Variants in CACNA2D1 observed in about 807,000 individuals in gnomAD.
CACNA2D1 encodes the protein calcium voltage-gated channel auxiliary subunit alpha2delta 1, also known as voltage-dependent calcium channel subunit alpha-2/delta-1.
In CACNA2D1, 53 loss-of-function variants were observed where a neutral mutation model predicts 171.5. The observed-to-expected ratio is 0.31, with a 90% CI of 0.25 to 0.39. CACNA2D1 has a LOEUF of 0.39. Ranked by LOEUF, CACNA2D1 falls within the 10% of genes least tolerant of loss-of-function variation. CACNA2D1 has a pLI of 1.00. For missense variants in CACNA2D1, 903 were observed against 1,299.8 expected (o/e 0.69, Z 4.69); for synonymous variants, 442 against 443.1 (o/e 1.00, Z 0.03).
intron 3 of CACNA2D1, among the ~76,000 whole-genome samples, chr7:82,307,184 G>C (rs1813841530): frequency 3.3e-5 from 5 of 152,054 alleles, no homozygotes; most frequent in Admixed American, 2.6e-4. Flanking sequence ...TGGGAATAGA[G>C]TCTTGTTCTG....
At chr7:82,192,346 A>G (rs1798382227) in intron 3 of CACNA2D1, among the ~76,000 whole-genome samples, 2 of 151,624 alleles carry the variant, frequency 1.3e-5, no homozygotes, top group African/African-American at 4.8e-5. Context: ...CTAAATGCTT[A>G]GAAACTCATT....
intron 1 of CACNA2D1, among the ~76,000 whole-genome samples, chr7:82,375,980 G>T (rs1193985176): frequency 6.6e-6 from 1 of 152,038 alleles, no homozygotes; most frequent in African/African-American, 2.4e-5. Flanking sequence ...AAAGCTGGGG[G>T]ATAGAAAATA....
At chr7:82,295,898 G>T (rs1290683160) in intron 3 of CACNA2D1, among the ~76,000 whole-genome samples, 1 of 151,876 alleles carries the variant, frequency 6.6e-6, no homozygotes, top group Non-Finnish European at 1.5e-5. Context: ...AGAAAATGTG[G>T]CACATATACA....
intron 4 of CACNA2D1, among the ~76,000 whole-genome samples, chr7:82,147,616 C>A (rs996437): frequency 0.27 from 41,407 of 152,004 alleles, 5,957 homozygotes; most frequent in East Asian, 0.39. Context: ...ACTCATGATC[C>A]AGGTCAACAG....
At chr7:81,975,025 AAT>A (rs1388945654) in intron 24 of CACNA2D1, among the ~76,000 whole-genome samples, 10 of 151,754 alleles carry the variant, frequency 6.6e-5, no homozygotes, top group African/African-American at 1.5e-4. Flanking sequence ...CTGAACTTAA[AAT>A]AAAAAAAAAA....
intron 3 of CACNA2D1, among the ~76,000 whole-genome samples, chr7:82,268,050 G>A (rs534754155): frequency 6.6e-6 from 1 of 152,056 alleles, no homozygotes; most frequent in South Asian, 2.1e-4. Context: ...CCTATTTAGG[G>A]AACAAAAATA....
At chr7:82,312,786 G>A (rs374819509) in intron 3 of CACNA2D1, among the ~76,000 whole-genome samples, 1 of 151,498 alleles carries the variant, frequency 6.6e-6, no homozygotes, top group East Asian at 1.9e-4. Flanking sequence ...CACCAGCTTC[G>A]GCCTCCCAAA....
chr7:82,084,737 A>T (rs373266433), intron 7 of CACNA2D1, 32 bp downstream of exon 7: 2 of 1,613,194 alleles, frequency 1.2e-6, no homozygotes, highest in Non-Finnish European at 1.7e-6. Context: ...TGAGGCTGGA[A>T]CTTGACAATG....
chr7:82,069,819 A>G lies in CACNA2D1; in HGVS notation c.659-3295T>C, dbSNP rs558591296. Among the ~76,000 whole-genome samples, 9 of 152,224 alleles carry G rather than the reference A, an allele frequency of 5.9e-5. 1 individual carries two copies. In the East Asian group the frequency reaches 1.2e-3, roughly 20 times the overall value. On this transcript the variant is annotated intron_variant, in intron 7 of 38. Transcript: ENST00000356860. ...AAATGACAGCTAATTGCATTTCCCA[A>G]TTAAAAAGTTCAAATGTATTTTTTC...
intron 3 of CACNA2D1, among the ~76,000 whole-genome samples, chr7:82,299,384 G>C (rs1234244460): frequency 6.6e-6 from 1 of 151,994 alleles, no homozygotes; most frequent in African/African-American, 2.4e-5. Flanking sequence ...AGAATGGCTG[G>C]GTGCGGTGGC....
intron 2 of CACNA2D1, among the ~76,000 whole-genome samples, chr7:82,337,715 G>C (rs1818163473): frequency 6.6e-6 from 1 of 152,108 alleles, no homozygotes; most frequent in East Asian, 1.9e-4. Flanking sequence ...CTCTTCACAT[G>C]CTGTGCAAAA....
intron 6 of CACNA2D1, among the ~76,000 whole-genome samples, chr7:82,087,428 G>A (rs1165955650): frequency 6.6e-6 from 1 of 152,044 alleles, no homozygotes; most frequent in Non-Finnish European, 1.5e-5. Context: ...GAGAGAATAT[G>A]TGTCTCCAGT....
intron 3 of CACNA2D1, among the ~76,000 whole-genome samples, chr7:82,188,310 A>C (rs1357741863): frequency 6.6e-6 from 1 of 152,110 alleles, no homozygotes; most frequent in African/African-American, 2.4e-5. Flanking sequence ...GGTAGGAAGC[A>C]AAAAAGGAAT....
Position 82,432,037 on chromosome 7 carries a change from T to TTAAA in CACNA2D1, c.95+11327_95+11328insTTTA, listed in dbSNP as rs1554555587. On this transcript the variant is annotated intron_variant, in intron 1 of 38. Transcript: ENST00000356860. ...TGGGCAACAGAACAAGACTCTGTCT[T>TTAAA]AAAAAAAAAAAAAAAAAAAAATTGG... Among the ~76,000 whole-genome samples, 5 of 82,218 alleles carry TTAAA rather than the reference T, an allele frequency of 6.1e-5. No individual in the cohort carries two copies. The South Asian group carries it at 2.2e-3, about 35-fold the overall frequency. The allele number at this position is 82,218 out of a possible 152,430, so 53.9% of individuals were successfully genotyped here.
chr7:82,005,767 TA>T lies in CACNA2D1; in HGVS notation c.1512del (p.Phe504LeufsTer35). On this transcript the variant is annotated frameshift_variant, in exon 17 of 39. Transcript: ENST00000356860. LOFTEE classifies it high-confidence loss of function. ...LEDIKRLTPR[F>X]TLCPNGYYFA... The stretch of plus-strand genomic sequence containing the variant: ...CAAAAGAGCAAATTTCATCTTACTG[TA>T]AAACGTGGTGTCAGTCTTTTAATAT... The T allele has an allele frequency of 6.3e-7, 1 of 1,583,310 alleles. No individual in the cohort carries two copies. Among genetic ancestry groups the T allele is most frequent in the Non-Finnish European group, 8.7e-7 (1 of 1,152,066 alleles).
chr7:82,240,490 C>A (rs1192875119), intron 3 of CACNA2D1, among the ~76,000 whole-genome samples: 1 of 152,112 alleles, frequency 6.6e-6, no homozygotes, highest in African/African-American at 2.4e-5. Context: ...ATGAATCATA[C>A]ATTGAGTTTT....
intron 3 of CACNA2D1, among the ~76,000 whole-genome samples, chr7:82,300,538 A>C (rs905989804): frequency 6.6e-6 from 1 of 152,170 alleles, no homozygotes; most frequent in Non-Finnish European, 1.5e-5. Flanking sequence ...GTAATTTGCT[A>C]TATTTGCTAC....
chr7:82,304,781 G>T (rs1813505339), intron 3 of CACNA2D1, among the ~76,000 whole-genome samples: 1 of 151,952 alleles, frequency 6.6e-6, no homozygotes, highest in African/African-American at 2.4e-5. Context: ...TGAAAGAGAA[G>T]GAATGAGTTC....
chr7:82,372,523 A>C (rs1822525038), intron 1 of CACNA2D1, among the ~76,000 whole-genome samples: 1 of 135,472 alleles, frequency 7.4e-6, no homozygotes, highest in Admixed American at 7.5e-5. Flanking sequence ...TAAGTCACTT[A>C]CAAAACTGAG....
Sources: allele counts gnomAD v4.1 joint callset (sites outside exome capture counted in the v4.1 genomes callset), GRCh38; gene constraint gnomAD v4.1.1; transcripts MANE v1.5; gene names NCBI Gene and HGNC (gene_info 2026-07-23, HGNC 2026-07-21).